Variants in SLC39A10 observed in about 807,000 individuals in gnomAD.
SLC39A10 encodes zinc transporter ZIP10.
Under a neutral mutation model 65.1 loss-of-function variants are expected in SLC39A10, and 13 were observed. The observed-to-expected ratio is 0.20, with a 90% CI of 0.13 to 0.32. SLC39A10 has a LOEUF of 0.32. SLC39A10 is among the 10% of genes least tolerant of loss of function. The pLI, the probability that SLC39A10 is intolerant of heterozygous loss-of-function variation, is 1.00. For missense variants in SLC39A10, 831 were observed against 1,018.4 expected, an observed-to-expected ratio of 0.82 and a Z score of 2.50; for synonymous variants, 321 against 342.2, an observed-to-expected ratio of 0.94 and a Z score of 0.68.
chr2:195,658,031 C>T, intron 1 of SLC39A10: 1 of 152,536 alleles, frequency 6.6e-6, no homozygotes, highest in Non-Finnish European at 1.5e-5. Flanking sequence ...GGAGGTGGCG[C>T]GGCCGCACGG....
chr2:195,633,092 C>T (rs750206293), intron 2 of SLC39A10, among the ~76,000 whole-genome samples: 13 of 152,194 alleles, frequency 8.5e-5, no homozygotes, highest in Non-Finnish European at 1.6e-4. Context: ...TTTTTTCTAT[C>T]AACAAGACCA....
chr2:195,668,699 T>G lies in SLC39A10; in HGVS notation c.-11-11333T>G, dbSNP rs979372976. On this transcript the variant is annotated intron_variant, in intron 1 of 9. Transcript: ENST00000359634. ...AGTAAAAAGAGGTTTTTGTTGTTGT[T>G]GTTGTTTGTTTGTTTTTTGGTTGTT... Among the ~76,000 whole-genome samples the G allele has an allele frequency of 5.3e-5, 8 of 152,338 alleles. No homozygotes were observed. In the East Asian group the frequency reaches 1.5e-3, roughly 29 times the overall value.
At chr2:195,675,173 CCAAACAAGA>C (rs1690033722) in intron 1 of SLC39A10, among the ~76,000 whole-genome samples, 2 of 152,010 alleles carry the variant, frequency 1.3e-5, no homozygotes, top group African/African-American at 4.8e-5. Flanking sequence ...AACCTTCCAT[CCAAACAAGA>C]TTTCTGAGGA....
chr2:195,729,690 C>G (rs1692370204), intron 9 of SLC39A10, among the ~76,000 whole-genome samples: 1 of 152,134 alleles, frequency 6.6e-6, no homozygotes, highest in Non-Finnish European at 1.5e-5. Flanking sequence ...GCCTATAAAC[C>G]TCATATTACT....
intron 2 of SLC39A10, among the ~76,000 whole-genome samples, chr2:195,636,595 C>CA (rs769697739): frequency 2.6e-5 from 4 of 151,558 alleles, no homozygotes; most frequent in African/African-American, 7.3e-5. Flanking sequence ...ACTAAAAAAA[C>CA]AAAAAAAATT....
chr2:195,708,611 C>T (rs569681753), intron 4 of SLC39A10, 45 bp from the exon 5 acceptor site: 111 of 1,388,088 alleles, frequency 8.0e-5, no homozygotes, highest in Non-Finnish European at 9.9e-5. Flanking sequence ...TTTTAAATAG[C>T]ATTTCAATTA....
intron 3 of SLC39A10, among the ~76,000 whole-genome samples, chr2:195,696,968 T>C (rs952389170): frequency 1.3e-5 from 2 of 152,056 alleles, no homozygotes; most frequent in Admixed American, 6.6e-5. Flanking sequence ...ATCTTTAGGA[T>C]TTTCTATTCG....
At chr2:195,635,708 C>CTT (rs61132041) in intron 2 of SLC39A10, among the ~76,000 whole-genome samples, 18,830 of 141,692 alleles carry the variant, frequency 0.13, 1,395 homozygotes, top group East Asian at 0.21. Flanking sequence ...ACCCCCCCCA[C>CTT]TTTTTTTTTT....
rs2105844801 is a variant in SLC39A10, at chr2:195,728,093, TCTC to T, written c.2147-63_2147-61del. 1 of 1,402,994 alleles carries T rather than the reference TCTC, an allele frequency of 7.1e-7. No homozygotes were observed. Among genetic ancestry groups the T allele is most frequent in the South Asian group, 1.4e-5 (1 of 73,372 alleles). 86.9% of individuals were successfully genotyped at this position (1,402,994 alleles called of 1,614,324 possible). A position where few individuals can be genotyped will look rare whatever the true frequency, so the allele number is the denominator to read the frequency against. ...TTTTTAATGCTGATTTTATTTGTTT[TCTC>T]CTTTCAGATTTGTGTTTTAAATCCT... On this transcript the variant is annotated intron_variant, in intron 8 of 9. Transcript: ENST00000359634. The surrounding 1 kb of genome is among the most constrained non-coding windows in gnomAD (Gnocchi z 4.4).
At chr2:195,718,502 C>T (rs1691900325) in intron 8 of SLC39A10, among the ~76,000 whole-genome samples, 170 bp downstream of exon 8, 1 of 151,830 alleles carries the variant, frequency 6.6e-6, no homozygotes, top group Non-Finnish European at 1.5e-5. Context: ...AAAAAATGCT[C>T]CTTAAGATTG....
chr2:195,684,229 G>A (rs919464743), intron 3 of SLC39A10, among the ~76,000 whole-genome samples: 1 of 151,992 alleles, frequency 6.6e-6, no homozygotes, highest in African/African-American at 2.4e-5. Context: ...CCTAAATAAA[G>A]TTATTTGTTC....
At chr2:195,651,382 CA>C in intron 2 of SLC39A10, among the ~76,000 whole-genome samples, 1 of 152,330 alleles carries the variant, frequency 6.6e-6, no homozygotes, top group East Asian at 1.9e-4. Context: ...CTTCAATCCC[CA>C]GGCTGAAATA....
At chr2:195,664,902 G>A (rs890516238) in intron 1 of SLC39A10, among the ~76,000 whole-genome samples, 1 of 152,204 alleles carries the variant, frequency 6.6e-6, no homozygotes, top group Non-Finnish European at 1.5e-5. Flanking sequence ...CTGCAAACAG[G>A]CTGGGTGCAG....
At chr2:195,665,145 C>T (rs1437738939) in intron 1 of SLC39A10, among the ~76,000 whole-genome samples, 2 of 152,096 alleles carry the variant, frequency 1.3e-5, no homozygotes, top group East Asian at 1.9e-4. Context: ...GCCAACATGG[C>T]GTCTCTATTA....
At chr2:195,654,962 G>A (rs1013049304), upstream of SLC39A10, among the ~76,000 whole-genome samples, 1 of 152,160 alleles carries the variant, frequency 6.6e-6, no homozygotes, top group Non-Finnish European at 1.5e-5. Flanking sequence ...GTATACACTT[G>A]AAAGTAAATA....
intron 7 of SLC39A10, 135 bp from the exon 8 acceptor site, chr2:195,718,117 T>C: frequency 3.6e-6 from 2 of 561,310 alleles, no homozygotes; most frequent in Non-Finnish European, 6.3e-6. Flanking sequence ...AAAACTATAG[T>C]GTGTAAGATA....
At chr2:195,657,580 G>A (rs1689201381) in intron 1 of SLC39A10, 13 of 982,564 alleles carry the variant, frequency 1.3e-5, no homozygotes, top group Non-Finnish European at 1.6e-5. Context: ...CGCGTGCGGA[G>A]CCTCGCGCCC....
intron 8 of SLC39A10, among the ~76,000 whole-genome samples, chr2:195,726,748 A>G (rs1692253805): frequency 6.6e-6 from 1 of 152,224 alleles, no homozygotes; most frequent in South Asian, 2.1e-4. Flanking sequence ...TCTCCTTGTT[A>G]TAGACTATGA....
chr2:195,643,591 A>G lies in SLC39A10; in HGVS notation c.-11-36441A>G, dbSNP rs139146887. On this transcript the variant is annotated intron_variant, in intron 2 of 2. Coordinates refer to the SLC39A10 transcript ENST00000458054. Reference sequence around the variant, plus strand: ...GGATAAACCATTTTGCAGAATAACTATAGCTGATTACTGATGGCTTGAAAG... The same window carrying G: ...GGATAAACCATTTTGCAGAATAACTGTAGCTGATTACTGATGGCTTGAAAG... Among the ~76,000 whole-genome samples, 444 of 152,356 alleles carry G rather than the reference A, an allele frequency of 2.9e-3. 3 individuals are homozygous for G. Among genetic ancestry groups the G allele is most frequent in the Admixed American group, 5.2e-3 (79 of 15,300 alleles).
Sources: gnomAD v4.1 joint callset for allele counts (sites outside exome capture counted in the v4.1 genomes callset) on GRCh38, gnomAD v4.1.1 for gene constraint, Gnocchi (gnomAD v3.1) non-coding constraint, MANE v1.5 for transcripts, NCBI Gene and HGNC (gene_info 2026-07-23, HGNC 2026-07-21) for gene names.